DNAJC3: variants seen among roughly 807,000 people sequenced by gnomAD.
DNAJC3 encodes the protein DnaJ heat shock protein family (Hsp40) member C3, also known as dnaJ homolog subfamily C member 3.
In DNAJC3, 38 loss-of-function variants were observed where a neutral mutation model predicts 68.6. The observed-to-expected ratio is 0.55, with a 90% CI of 0.43 to 0.73. DNAJC3 has a LOEUF of 0.73. Among genes scored for constraint, DNAJC3 ranks in the 30% least tolerant of loss-of-function variants. The pLI is 0.00. For synonymous variants in DNAJC3, 203 were observed against 204.0 expected, an observed-to-expected ratio of 1.00 and a Z score of 0.04; for missense variants, 526 against 591.9, an observed-to-expected ratio of 0.89 and a Z score of 1.16.
chr13:95,711,413 C>T (rs1370505371), intron 2 of DNAJC3, among the ~76,000 whole-genome samples: 3 of 151,944 alleles, frequency 2.0e-5, no homozygotes, highest in Admixed American at 6.5e-5. Context: ...TGGAGAATCA[C>T]TTAGACCCAG....
rs1373397348 is a variant in DNAJC3 at position 95,792,233 on chromosome 13, A to G, written c.*1203A>G. 6.6e-6 allele frequency: 1 copy of G among 152,236 alleles called. No homozygotes were observed. Among genetic ancestry groups the G allele is most frequent in the African/African-American group, 2.4e-5 (1 of 41,462 alleles). 9.4% of individuals were successfully genotyped at this position (152,236 alleles called of 1,614,324 possible). On this transcript the variant is annotated 3_prime_UTR_variant, in exon 12 of 12. Transcript: ENST00000602402. ...GATATGTTCTTCTTACCTTTTAAGA[A>G]GATACTATTTAAGAAGTGAACTATT...
intron 1 of DNAJC3, among the ~76,000 whole-genome samples, chr13:95,688,322 G>A (rs1880122960): frequency 6.8e-6 from 1 of 147,890 alleles, no homozygotes; most frequent in African/African-American, 2.6e-5. Flanking sequence ...GCAAATAGGA[G>A]TGGTGAGAAT....
At chr13:95,711,380 C>G (rs1880957012) in intron 2 of DNAJC3, among the ~76,000 whole-genome samples, 1 of 152,034 alleles carries the variant, frequency 6.6e-6, no homozygotes, top group Non-Finnish European at 1.5e-5. Flanking sequence ...ACCTATAATC[C>G]TAGCTACTTG....
At chr13:95,741,683 T>C (rs1054357502) in intron 4 of DNAJC3, among the ~76,000 whole-genome samples, 1 of 152,122 alleles carries the variant, frequency 6.6e-6, no homozygotes, top group African/African-American at 2.4e-5. Context: ...CCAGCTGGTC[T>C]GAGGTGGTCT....
At chr13:95,753,361 T>C (rs1418256552) in intron 4 of DNAJC3, among the ~76,000 whole-genome samples, 1 of 152,188 alleles carries the variant, frequency 6.6e-6, no homozygotes, top group Non-Finnish European at 1.5e-5. Context: ...ATTAGTGTTA[T>C]TTTTATATAG....
chr13:95,727,616 C>T (rs759686972), intron 4 of DNAJC3, among the ~76,000 whole-genome samples: 3 of 152,122 alleles, frequency 2.0e-5, no homozygotes, highest in Non-Finnish European at 4.4e-5. Context: ...GTGCCATTTA[C>T]CCAGTTTCCT....
chr13:95,742,882 C>T (rs563424925), intron 4 of DNAJC3: 2 of 507,350 alleles, frequency 3.9e-6, no homozygotes, highest in African/African-American at 1.9e-5. Context: ...AAACTTTTCT[C>T]ATATCTTCTA....
At chr13:95,713,629 T>C (rs1260264786) in intron 2 of DNAJC3, among the ~76,000 whole-genome samples, 4 of 152,214 alleles carry the variant, frequency 2.6e-5, no homozygotes, top group Non-Finnish European at 5.9e-5. Flanking sequence ...ATTGACTCGC[T>C]GATTCTAAAA....
intron 9 of DNAJC3, among the ~76,000 whole-genome samples, chr13:95,775,841 C>G (rs1484358605): frequency 6.6e-6 from 1 of 152,112 alleles, no homozygotes; most frequent in Non-Finnish European, 1.5e-5. Context: ...TCATTTGGAG[C>G]AGGATTTTTT....
At chr13:95,724,123 C>G (rs1186264853) in intron 3 of DNAJC3, among the ~76,000 whole-genome samples, 1 of 152,010 alleles carries the variant, frequency 6.6e-6, no homozygotes, top group African/African-American at 2.4e-5. Context: ...GATGGAATTC[C>G]CAAATCTCAA....
At chr13:95,770,136 G>A (rs1487091331) in intron 9 of DNAJC3, among the ~76,000 whole-genome samples, 4 of 152,146 alleles carry the variant, frequency 2.6e-5, no homozygotes, top group African/African-American at 9.7e-5. Context: ...AGTGCAGAGG[G>A]TAGGTTTGAA....
intron 1 of DNAJC3, among the ~76,000 whole-genome samples, chr13:95,705,203 A>G (rs1272832390): frequency 2.0e-5 from 3 of 152,160 alleles, no homozygotes; most frequent in African/African-American, 7.2e-5. Flanking sequence ...CACCATGGCC[A>G]CTTTGTTCAT....
At chr13:95,787,949 A>G (rs1294707880) in intron 11 of DNAJC3, among the ~76,000 whole-genome samples, 1 of 152,176 alleles carries the variant, frequency 6.6e-6, no homozygotes, top group African/African-American at 2.4e-5. Flanking sequence ...GTGGCCTTCC[A>G]TGTCAGTGGG....
chr13:95,680,884 A>G (rs529482063), intron 1 of DNAJC3, among the ~76,000 whole-genome samples: 1 of 152,340 alleles, frequency 6.6e-6, no homozygotes, highest in East Asian at 1.9e-4. Context: ...CATTTCAACC[A>G]TAGATTTATT....
At chr13:95,713,272 A>G (rs188069927) in intron 2 of DNAJC3, among the ~76,000 whole-genome samples, 80 of 152,352 alleles carry the variant, frequency 5.3e-4, no homozygotes, top group Non-Finnish European at 9.1e-4. Context: ...TCATTCACAG[A>G]GGACTTGATA....
intron 9 of DNAJC3, among the ~76,000 whole-genome samples, chr13:95,785,522 G>A (rs1485959065): frequency 1.5e-5 from 2 of 136,424 alleles, no homozygotes; most frequent in Admixed American, 8.0e-5. Flanking sequence ...GCAGTGGTGC[G>A]ATGTCGGCCA....
In DNAJC3 at chr13:95,723,340, A is replaced by G; in HGVS notation, c.292A>G (p.Ile98Val). 1 of 1,612,124 alleles carries G rather than the reference A, an allele frequency of 6.2e-7. No homozygotes were observed. Among genetic ancestry groups the G allele is most frequent in the Non-Finnish European group, 8.5e-7 (1 of 1,178,624 alleles). Residue 98 changes from isoleucine to valine, a missense_variant, in exon 3 of 12, where the codon ATT (isoleucine) becomes GTT (valine). Ile to Val is a conservative substitution (Grantham distance 29). Transcript: ENST00000602402. ...TGCACTTCCTGATTTAACTAAAGTG[A>G]TTCAATTGAAGATGGACTTCACTGC... ...KAALPDLTKV[I>V]QLKMDFTAAR...
At chr13:95,749,367 C>G (rs1424799867) in intron 4 of DNAJC3, among the ~76,000 whole-genome samples, 2 of 152,138 alleles carry the variant, frequency 1.3e-5, no homozygotes, top group Non-Finnish European at 2.9e-5. Flanking sequence ...ATTCATCCCT[C>G]TTTGAGAGAG....
chr13:95,756,851 C>G (rs17883970), intron 4 of DNAJC3, among the ~76,000 whole-genome samples: 4,533 of 152,124 alleles, frequency 0.03, 233 homozygotes, highest in African/African-American at 0.1. Flanking sequence ...TTAAGAGTCC[C>G]TGTGCACAGG....
Sources: gnomAD v4.1 joint callset for allele counts (sites outside exome capture counted in the v4.1 genomes callset) on GRCh38, gnomAD v4.1.1 for gene constraint, MANE v1.5 for transcripts, NCBI Gene and HGNC (gene_info 2026-07-23, HGNC 2026-07-21) for gene names.